AP3D1: variants seen among roughly 807,000 people sequenced by gnomAD.
AP3D1 encodes adaptor related protein complex 3 subunit delta 1, also known as AP-3 complex subunit delta-1.
AP3D1 carries 51 observed loss-of-function variants against 147.6 expected under a neutral mutation model. That is an observed-to-expected ratio of 0.35 (90% CI 0.28 to 0.44). AP3D1 has a LOEUF of 0.44. Among genes scored for constraint, AP3D1 ranks in the 20% least tolerant of loss-of-function variants. AP3D1 has a pLI of 1.00. For synonymous variants in AP3D1, 760 were observed against 663.0 expected (o/e 1.15, Z -2.25); for missense variants, 1,421 against 1,624.2 (o/e 0.87, Z 2.15).
Position 2,121,328 on chromosome 19 carries a change from A to G in AP3D1, c.1102-17T>C. ...CTTGGACACCTGGGCAAAAGTGTAC[A>G]GACAGTGGTGAGAGCGGACCCAGCC... On this transcript the variant is annotated splice_polypyrimidine_tract_variant and intron_variant, in intron 12 of 31. Transcript: ENST00000643116. 1 of 1,613,808 alleles carries G rather than the reference A, an allele frequency of 6.2e-7. No individual in the cohort carries two copies. Among genetic ancestry groups the G allele is most frequent in the South Asian group, 1.1e-5 (1 of 91,070 alleles).
At chr19:2,144,395 G>A (rs559227476) in intron 1 of AP3D1, among the ~76,000 whole-genome samples, 15 of 152,270 alleles carry the variant, frequency 9.9e-5, no homozygotes, top group African/African-American at 3.4e-4. Flanking sequence ...GCATGGAACC[G>A]AGGCCCCCAC....
At chr19:2,123,118 C>T (rs1017549713) in intron 11 of AP3D1, among the ~76,000 whole-genome samples, 1 of 152,266 alleles carries the variant, frequency 6.6e-6, no homozygotes, top group Non-Finnish European at 1.5e-5. Context: ...CCCCCTGCAT[C>T]TCCCCTGGGA....
In AP3D1 at chr19:2,125,496, T is replaced by A. The variant is rs117564443; in HGVS notation, c.857-1617A>T. On this transcript the variant is annotated intron_variant, in intron 9 of 31. Coordinates refer to ENST00000643116, the MANE Select transcript of AP3D1 (RefSeq NM_001261826.3). ...AAGCCCTGCTAATTTTTGTATTTTTTAGGTAGAGATGGGGTTTCACCATTA... is the reference window on the plus strand; with the variant it reads ...AAGCCCTGCTAATTTTTGTATTTTTAAGGTAGAGATGGGGTTTCACCATTA... Among the ~76,000 whole-genome samples the A allele has an allele frequency of 7.6e-3, 1,160 of 152,194 alleles. 5 individuals carry two copies. Among genetic ancestry groups the A allele is most frequent in the African/African-American group, 0.013 (545 of 41,528 alleles).
intron 31 of AP3D1, among the ~76,000 whole-genome samples, chr19:2,107,350 G>C (rs888805338): frequency 2.9e-4 from 44 of 152,070 alleles, no homozygotes; most frequent in Admixed American, 1.3e-3. Context: ...GAAGAAGGCA[G>C]AGAAGCGAAA....
In AP3D1 at chr19:2,115,298, T is replaced by G; in HGVS notation, c.2270A>C (p.His757Pro). 1 of 1,612,960 alleles carries G rather than the reference T, an allele frequency of 6.2e-7. No individual in the cohort carries two copies. The highest frequency in any genetic ancestry group is 1.1e-5 in the South Asian group (1 of 91,084). The change falls in exon 20 of 32, where the codon CAC (histidine) becomes CCC (proline). Residue 757 changes from histidine to proline, a missense_variant. This residue lies in a region of AP3D1 where 791 missense variants were observed against 761.4 expected (regional missense o/e 1.04). Coordinates refer to ENST00000643116, the MANE Select transcript of AP3D1 (RefSeq NM_001261826.3). The part of the protein sequence containing the change: ...KEKEKKGKRR[H>P]SSLPTESDED... ...GTCGCTCTCCGTGGGCAGCGAGCTG[T>G]GGCGGCGCTTGCCCTTCTTCTCCTT...
chr19:2,105,325 C>T (rs796866736), intron 31 of AP3D1, among the ~76,000 whole-genome samples: 4 of 152,340 alleles, frequency 2.6e-5, no homozygotes, highest in Admixed American at 6.5e-5. Context: ...ATGGCCCTAA[C>T]GCCCACGCTG....
intron 1 of AP3D1, chr19:2,164,014 C>T: frequency 4.0e-6 from 1 of 251,338 alleles, no homozygotes; most frequent in Non-Finnish European, 6.7e-6. Flanking sequence ...GAGTCGGGGG[C>T]CGGGCCGGAC....
chr19:2,116,574 G>C (rs768352763), intron 17 of AP3D1, 31 bp downstream of exon 17: 4 of 1,548,272 alleles, frequency 2.6e-6, no homozygotes, highest in South Asian at 1.2e-5. Flanking sequence ...GGGAGGAGAC[G>C]AGGGCTCGCC....
In AP3D1 at chr19:2,115,723, G is replaced by A. The variant is rs565917022; in HGVS notation, c.2074-110C>T. On this transcript the variant is annotated intron_variant, in intron 18 of 31. Transcript: ENST00000643116. ...CGCAGCCCCAACATCCTAAGGAGCTGGGGTCCTGCCAGAGCCCTGGGCCGC... is the reference window on the plus strand; with the variant it reads ...CGCAGCCCCAACATCCTAAGGAGCTAGGGTCCTGCCAGAGCCCTGGGCCGC... 5.8e-6 allele frequency: 7 copies of A among 1,207,034 alleles called. No individual in the cohort carries two copies. The African/African-American group carries it at 1.1e-4, about 18-fold the overall frequency. The allele number at this position is 1,207,034 out of a possible 1,614,324, so 74.8% of individuals were successfully genotyped here.
chr19:2,130,388 C>T lies in AP3D1; in HGVS notation c.592+20G>A. ...TGAGCCCCCACCCTCAACCCTGAGGCTTAACTCAAATCCACAAACCGGGGT... is the reference window on the plus strand; with the variant it reads ...TGAGCCCCCACCCTCAACCCTGAGGTTTAACTCAAATCCACAAACCGGGGT... On this transcript the variant is annotated intron_variant, in intron 6 of 31. Transcript: ENST00000643116. 6.2e-7 allele frequency: 1 copy of T among 1,613,660 alleles called. No individual in the cohort carries two copies. Among genetic ancestry groups the T allele is most frequent in the Non-Finnish European group, 8.5e-7 (1 of 1,179,898 alleles).
intron 1 of AP3D1, among the ~76,000 whole-genome samples, chr19:2,156,615 T>G (rs184955095): frequency 5.9e-4 from 88 of 149,452 alleles, no homozygotes; most frequent in African/African-American, 2.1e-3. Context: ...CTTTGGGAGG[T>G]TGAGGCGGGT....
intron 1 of AP3D1, among the ~76,000 whole-genome samples, chr19:2,146,297 C>A (rs915853483): frequency 5.3e-5 from 8 of 152,158 alleles, no homozygotes; most frequent in African/African-American, 1.9e-4. Flanking sequence ...AAGTCAGGAT[C>A]ATTACCATAA....
rs2019502600 is a variant in AP3D1 at position 2,151,276 on chromosome 19, T to A, written c.59A>T (p.Asp20Val). ...GTGGTTACGGATGCCGCGGACCAAG[T>A]CCTGCAGATTCTTGTCGAACATGCG... ...IDRMFDKNLQ[D>V]LVRGIRNHKE... The change falls in exon 1 of 32, where the codon GAC (aspartate) becomes GTC (valine). Residue 20 changes from aspartate (D) to valine (V), a missense_variant. Coordinates refer to ENST00000643116, the MANE Select transcript of AP3D1 (RefSeq NM_001261826.3). The A allele has an allele frequency of 1.2e-6, 2 of 1,611,716 alleles. No homozygotes were observed. Among genetic ancestry groups the A allele is most frequent in the Admixed American group, 1.7e-5 (1 of 59,930 alleles).
At chr19:2,109,763 C>A in intron 29 of AP3D1, 110 bp downstream of exon 29, 1 of 1,064,156 alleles carries the variant, frequency 9.4e-7, no homozygotes, top group Non-Finnish European at 1.4e-6. Context: ...CCTCCAAATC[C>A]GTCTCTAAAG....
intron 1 of AP3D1, among the ~76,000 whole-genome samples, chr19:2,147,060 T>C (rs2019374825): frequency 7.0e-6 from 1 of 142,538 alleles, no homozygotes; most frequent in South Asian, 2.3e-4. Context: ...ACCCGCTCAG[T>C]TCGGCTGGGC....
intron 31 of AP3D1, among the ~76,000 whole-genome samples, chr19:2,107,769 A>T (rs1421402907): frequency 1.3e-5 from 2 of 151,524 alleles, no homozygotes; most frequent in African/African-American, 4.8e-5. Context: ...AGTGCAATAA[A>T]ATGGTTCTAC....
In AP3D1 at chr19:2,105,085, A is replaced by G. The variant is rs79833742; in HGVS notation, c.3553-2817T>C. On this transcript the variant is annotated intron_variant, in intron 31 of 31. Coordinates refer to ENST00000643116, the MANE Select transcript of AP3D1 (RefSeq NM_001261826.3). ...CCAGTGGGAATTTCAGACCTGAAAA[A>G]TAAGACCCTCCCTGTGTGGGCTCAA... Among the ~76,000 whole-genome samples, 53 of 152,332 alleles carry G rather than the reference A, an allele frequency of 3.5e-4. 1 individual carries two copies. In the East Asian group the frequency reaches 0.01, roughly 29 times the overall value.
intron 4 of AP3D1, among the ~76,000 whole-genome samples, chr19:2,135,127 G>C (rs1207986168): frequency 6.6e-6 from 1 of 152,068 alleles, no homozygotes; most frequent in Non-Finnish European, 1.5e-5. Flanking sequence ...CTTGAACCTG[G>C]GAGGCAGAGG....
At chr19:2,112,058 G>T in intron 24 of AP3D1, 1 of 620,166 alleles carries the variant, frequency 1.6e-6, no homozygotes, top group Non-Finnish European at 2.8e-6. Context: ...GCAGCCCGGG[G>T]AACAGTCCCC....
Sources: gnomAD v4.1 joint callset for allele counts (sites outside exome capture counted in the v4.1 genomes callset) on GRCh38, gnomAD v4.1.1 for gene constraint, gnomAD v4.1.1 regional missense constraint, MANE v1.5 for transcripts, NCBI Gene and HGNC (gene_info 2026-07-23, HGNC 2026-07-21) for gene names.